The following WAC variants were observed in gnomAD, a reference collection of about 807,000 sequenced individuals.
WAC encodes the protein WW domain containing adaptor with coiled-coil, also known as WW domain-containing adapter protein with coiled-coil.
In WAC, 11 loss-of-function variants were observed where a neutral mutation model predicts 79.6. The ratio of observed to expected loss-of-function variants is 0.14; its 90% CI spans 0.09 to 0.23. The LOEUF (loss-of-function observed/expected upper bound fraction) is 0.23. Among genes scored for constraint, WAC ranks in the 10% least tolerant of loss-of-function variants. The pLI, the probability that WAC is intolerant of heterozygous loss-of-function variation, is 1.00. For missense variants in WAC, 728 were observed against 773.5 expected (o/e 0.94, Z 0.70); for synonymous variants, 304 against 276.9 (o/e 1.10, Z -0.97).
rs1464407783 is a variant in WAC, at chr10:28,620,332, A to G, written c.*726A>G. 5 of 149,832 alleles carry G rather than the reference A, an allele frequency of 3.3e-5. 1 individual carries two copies. Among genetic ancestry groups the G allele is most frequent in the Non-Finnish European group, 5.9e-5 (4 of 67,654 alleles). The allele number at this position is 149,832 out of a possible 1,614,324, so 9.3% of individuals were successfully genotyped here. ...AAATTGCAGTGATTGAGCATAACCT[A>G]CTTGTTTGTATAAATTATTGAAATC... On this transcript the variant is annotated 3_prime_UTR_variant, in exon 14 of 14. Transcript: ENST00000354911.
At chr10:28,545,933 A>G (rs1295761932) in intron 3 of WAC, among the ~76,000 whole-genome samples, 1 of 152,166 alleles carries the variant, frequency 6.6e-6, no homozygotes, top group Non-Finnish European at 1.5e-5. Flanking sequence ...GGTAAATTTC[A>G]TTTAGCTTTT....
At chr10:28,617,528 A>G in intron 12 of WAC, 129 bp from the exon 13 acceptor site, 1 of 826,604 alleles carries the variant, frequency 1.2e-6, no homozygotes, top group Non-Finnish European at 1.7e-6. Context: ...GTTCACCAGC[A>G]TTTTTGTGTA....
chr10:28,553,562 G>C (rs1486815199), intron 3 of WAC, among the ~76,000 whole-genome samples: 1 of 152,050 alleles, frequency 6.6e-6, no homozygotes, highest in Non-Finnish European at 1.5e-5. Context: ...GGCACTCATG[G>C]TGTTGAAGAA....
intron 11 of WAC, 35 bp downstream of exon 11, chr10:28,614,720 T>A: frequency 6.7e-7 from 1 of 1,489,064 alleles, no homozygotes; most frequent in South Asian, 1.1e-5. Flanking sequence ...CCACATTGTT[T>A]TATTTAATGA....
At chr10:28,610,969 A>C in intron 9 of WAC, 148 bp downstream of exon 9, 1 of 781,486 alleles carries the variant, frequency 1.3e-6, no homozygotes, top group Non-Finnish European at 1.9e-6. Context: ...TTTTTGTAAC[A>C]CTGGCATATA....
chr10:28,562,929 A>T (rs982042253), intron 3 of WAC, among the ~76,000 whole-genome samples: 7 of 151,836 alleles, frequency 4.6e-5, no homozygotes, highest in Non-Finnish European at 8.9e-5. Context: ...CTTGAAAAAT[A>T]AATAACGGTG....
intron 7 of WAC, among the ~76,000 whole-genome samples, chr10:28,600,197 T>C (rs1037443454): frequency 1.7e-4 from 26 of 148,990 alleles, no homozygotes; most frequent in Non-Finnish European, 7.4e-5. Flanking sequence ...TCAAGCTAGC[T>C]CTCCGTATGA....
At chr10:28,589,495 T>G (rs893705777) in intron 4 of WAC, 12 of 224,066 alleles carry the variant, frequency 5.4e-5, no homozygotes, top group Non-Finnish European at 9.5e-5. Flanking sequence ...TTCACAGTTT[T>G]CTTTCTGTGC....
chr10:28,580,771 G>T (rs1383460976), intron 3 of WAC, among the ~76,000 whole-genome samples: 1 of 152,094 alleles, frequency 6.6e-6, no homozygotes. Context: ...AGAAATTTCA[G>T]CATAGATCTC....
chr10:28,589,326 C>G (rs976225914), intron 4 of WAC: 1 of 154,006 alleles, frequency 6.5e-6, no homozygotes, highest in Non-Finnish European at 1.4e-5. Context: ...CTCTTTTATA[C>G]CATATATAAT....
intron 3 of WAC, among the ~76,000 whole-genome samples, chr10:28,581,833 C>T (rs1416523262): frequency 2.0e-5 from 3 of 152,064 alleles, no homozygotes; most frequent in Non-Finnish European, 4.4e-5. Flanking sequence ...AAGTGTTCAG[C>T]TTATTTTTGA....
Position 28,619,700 on chromosome 10 carries a change from A to G in WAC, c.*94A>G. ...TGAGCTGCATTTAAGTAGACTTTGG[A>G]CCGTTAAGCTGGGCAAAGGAAATGA... On this transcript the variant is annotated 3_prime_UTR_variant, in exon 14 of 14. Coordinates refer to ENST00000354911, the MANE Select transcript of WAC (RefSeq NM_016628.5). 9.5e-7 allele frequency: 1 copy of G among 1,054,522 alleles called. No homozygotes were observed. Among genetic ancestry groups the G allele is most frequent in the African/African-American group, 1.7e-5 (1 of 60,284 alleles). 65.3% of individuals were successfully genotyped at this position (1,054,522 alleles called of 1,614,324 possible). A position where few individuals can be genotyped will look rare whatever the true frequency, so the allele number is the denominator to read the frequency against.
intron 13 of WAC, among the ~76,000 whole-genome samples, chr10:28,618,455 C>T (rs1262629721): frequency 6.6e-6 from 1 of 152,146 alleles, no homozygotes; most frequent in African/African-American, 2.4e-5. Context: ...AGTTTATTTA[C>T]AGTTACTAAA....
rs532697127 is a variant in WAC, at chr10:28,542,259, CATT to C, written c.274+6503_274+6505del. Among the ~76,000 whole-genome samples, 110 of 152,318 alleles carry C rather than the reference CATT, an allele frequency of 7.2e-4. No individual in the cohort carries two copies. The South Asian group carries it at 0.02, about 28-fold the overall frequency. ...AACACTCTGAAACAGTCATTCTCATCATTGTCTTTCCTTGCCCCTGCGTGTTCC... is the reference window on the plus strand; with the variant it reads ...AACACTCTGAAACAGTCATTCTCATCGTCTTTCCTTGCCCCTGCGTGTTCC... On this transcript the variant is annotated intron_variant, in intron 3 of 13. Coordinates refer to ENST00000354911, the MANE Select transcript of WAC (RefSeq NM_016628.5).
At chr10:28,595,218 A>G (rs148346398) in intron 6 of WAC, among the ~76,000 whole-genome samples, 1 of 152,278 alleles carries the variant, frequency 6.6e-6, no homozygotes, top group Admixed American at 6.5e-5. Flanking sequence ...CTTCTTATAA[A>G]CTGCTTTAGA....
chr10:28,544,620 T>G (rs1837251707), intron 3 of WAC, among the ~76,000 whole-genome samples: 2 of 152,174 alleles, frequency 1.3e-5, no homozygotes, highest in Admixed American at 6.5e-5. Context: ...TGCTGCTGCT[T>G]TCTTTGTTTA....
intron 3 of WAC, among the ~76,000 whole-genome samples, chr10:28,569,868 G>A (rs922707263): frequency 2.0e-5 from 3 of 152,158 alleles, no homozygotes; most frequent in Admixed American, 2.0e-4. Context: ...GGTTTAGGCA[G>A]TGTGGCAATA....
At chr10:28,580,312 G>C (rs2132609204) in intron 3 of WAC, among the ~76,000 whole-genome samples, 1 of 152,332 alleles carries the variant, frequency 6.6e-6, no homozygotes. Context: ...TGGAATGCTT[G>C]TCAGTATTTG....
intron 6 of WAC, 29 bp from the exon 7 acceptor site, chr10:28,595,704 C>T (rs751223164): frequency 6.3e-7 from 1 of 1,596,452 alleles, no homozygotes; most frequent in Non-Finnish European, 8.6e-7. Flanking sequence ...GTCATTCCAA[C>T]ATCTGTTTTT....
Sources: gnomAD v4.1 joint callset for allele counts (sites outside exome capture counted in the v4.1 genomes callset) on GRCh38, gnomAD v4.1.1 for gene constraint, MANE v1.5 for transcripts, NCBI Gene and HGNC (gene_info 2026-07-23, HGNC 2026-07-21) for gene names.